MACROD2: variants seen among roughly 807,000 people sequenced by gnomAD.
The protein encoded by MACROD2 is ADP-ribose glycohydrolase MACROD2.
MACROD2 carries 36 observed loss-of-function variants against 70.4 expected under a neutral mutation model. That is an observed-to-expected ratio of 0.51 (90% CI 0.39 to 0.68). The LOEUF (loss-of-function observed/expected upper bound fraction) is 0.68. Among genes scored for constraint, MACROD2 ranks in the 30% least tolerant of loss-of-function variants. The pLI, the probability that MACROD2 is intolerant of heterozygous loss-of-function variation, is 0.00. For missense variants in MACROD2, 496 were observed against 538.4 expected (o/e 0.92, Z 0.78); for synonymous variants, 172 against 178.8 (o/e 0.96, Z 0.30).
intron 8 of MACROD2, among the ~76,000 whole-genome samples, chr20:15,805,302 G>T (rs2063759218): frequency 6.6e-6 from 1 of 152,036 alleles, no homozygotes; most frequent in South Asian, 2.1e-4. Flanking sequence ...TGTTGTTAAA[G>T]GAAAATGATC....
At chr20:15,830,984 C>T (rs1303057541) in intron 8 of MACROD2, among the ~76,000 whole-genome samples, 2 of 152,154 alleles carry the variant, frequency 1.3e-5, no homozygotes, top group Admixed American at 1.3e-4. Context: ...GTGGTCTAAT[C>T]AGGCTGTTTG....
At chr20:14,900,372 T>A (rs1400648865) in intron 5 of MACROD2, among the ~76,000 whole-genome samples, 2 of 152,138 alleles carry the variant, frequency 1.3e-5, no homozygotes, top group Non-Finnish European at 2.9e-5. Context: ...TAGAAGAATG[T>A]GAGGATTAGT....
At chr20:15,436,418 A>G (rs1221228639) in intron 7 of MACROD2, among the ~76,000 whole-genome samples, 1 of 150,854 alleles carries the variant, frequency 6.6e-6, no homozygotes, top group Non-Finnish European at 1.5e-5. Context: ...TATCACAACA[A>G]CAGCAAAGGG....
At chr20:15,207,054 A>T (rs1386914797) in intron 5 of MACROD2, among the ~76,000 whole-genome samples, 1 of 152,114 alleles carries the variant, frequency 6.6e-6, no homozygotes, top group Non-Finnish European at 1.5e-5. Context: ...CTATGTTGTC[A>T]CATGTATCAA....
rs142165647 is a variant in MACROD2 at position 15,221,687 on chromosome 20, C to T, written c.419-8253C>T. ...AATTAAACATGAGCTTTGCCTCTTT[C>T]TTTTTTAATATAGAGGATGGCATTT... On this transcript the variant is annotated intron_variant, in intron 5 of 17. Coordinates refer to ENST00000684519, the MANE Select transcript of MACROD2 (RefSeq NM_001351661.2). Among the ~76,000 whole-genome samples the T allele has an allele frequency of 7.3e-3, 1,110 of 152,224 alleles. 5 individuals are homozygous for T. The highest frequency in any genetic ancestry group is 0.02 in the Middle Eastern group (6 of 294).
At chr20:14,967,044 C>T (rs1364011711) in intron 5 of MACROD2, among the ~76,000 whole-genome samples, 2 of 152,132 alleles carry the variant, frequency 1.3e-5, no homozygotes, top group Non-Finnish European at 2.9e-5. Flanking sequence ...ACTGATATTT[C>T]AATGTGGTTT....
chr20:15,184,610 A>C (rs577381532), intron 5 of MACROD2, among the ~76,000 whole-genome samples: 7 of 152,302 alleles, frequency 4.6e-5, no homozygotes, highest in African/African-American at 1.7e-4. Context: ...AAAATAAAGG[A>C]TAACGTGGAA....
At chr20:16,034,598 G>C (rs552887755) in intron 15 of MACROD2, among the ~76,000 whole-genome samples, 17 of 152,080 alleles carry the variant, frequency 1.1e-4, no homozygotes, top group Non-Finnish European at 2.4e-4. Context: ...ATACCACAGT[G>C]AGCACAGTTT....
At chr20:14,311,769 T>C (rs2082569531) in intron 3 of MACROD2, among the ~76,000 whole-genome samples, 1 of 151,998 alleles carries the variant, frequency 6.6e-6, no homozygotes, top group Admixed American at 6.6e-5. Context: ...CCACCCCCCA[T>C]GGCCTCCCTA....
In MACROD2 at chr20:15,533,556, T is replaced by G. The variant is rs764305479; in HGVS notation, c.645+33709T>G. The stretch of plus-strand genomic sequence containing the variant: ...CTCTGTCTCTGTCGCTCTCTCTCTC[T>G]CTCTCTCTCTCTCTCTCTCTCTCTC... On this transcript the variant is annotated intron_variant, in intron 8 of 17. Transcript: ENST00000684519. Among the ~76,000 whole-genome samples the G allele has an allele frequency of 4.7e-3, 466 of 99,082 alleles. 3 individuals carry two copies. The highest frequency in any genetic ancestry group is 0.017 in the African/African-American group (439 of 26,262). The allele number at this position is 99,082 out of a possible 152,430, so 65.0% of individuals were successfully genotyped here.
intron 6 of MACROD2, among the ~76,000 whole-genome samples, chr20:15,307,502 C>T (rs187104440): frequency 1.0e-3 from 155 of 152,260 alleles, no homozygotes; most frequent in African/African-American, 3.6e-3. Flanking sequence ...TACACACACA[C>T]GTATGTGTTT....
chr20:14,707,761 C>T (rs1043808837), intron 5 of MACROD2, among the ~76,000 whole-genome samples: 2 of 151,998 alleles, frequency 1.3e-5, no homozygotes, highest in Admixed American at 1.3e-4. Context: ...ATCCTGGGCC[C>T]AAAGAAGGAG....
intron 8 of MACROD2, among the ~76,000 whole-genome samples, chr20:15,701,843 G>A (rs2050464320): frequency 6.6e-6 from 1 of 152,118 alleles, no homozygotes; most frequent in Admixed American, 6.5e-5. Flanking sequence ...AGTCCCTAGT[G>A]TCTATTATTC....
At chr20:15,651,440 C>T (rs1174100433) in intron 8 of MACROD2, among the ~76,000 whole-genome samples, 1 of 152,158 alleles carries the variant, frequency 6.6e-6, no homozygotes, top group Non-Finnish European at 1.5e-5. Flanking sequence ...CCAGAACTTG[C>T]ACTAGGAAAG....
chr20:15,735,509 A>G (rs1180267307), intron 8 of MACROD2, among the ~76,000 whole-genome samples: 2 of 152,198 alleles, frequency 1.3e-5, no homozygotes, highest in African/African-American at 4.8e-5. Flanking sequence ...TTCATGAGAA[A>G]TCAGAAGGGT....
chr20:14,885,575 A>G (rs931367983), intron 5 of MACROD2, among the ~76,000 whole-genome samples: 1 of 152,108 alleles, frequency 6.6e-6, no homozygotes, highest in African/African-American at 2.4e-5. Context: ...AACATCCTCT[A>G]TTGCTGTAAG....
intron 3 of MACROD2, among the ~76,000 whole-genome samples, chr20:14,475,196 C>T (rs1422638794): frequency 1.3e-5 from 2 of 151,992 alleles, no homozygotes; most frequent in Admixed American, 1.3e-4. Flanking sequence ...TTATTTTAAA[C>T]TGATAACAAC....
At chr20:15,529,767 C>G (rs77525780) in intron 8 of MACROD2, among the ~76,000 whole-genome samples, 3,482 of 152,274 alleles carry the variant, frequency 0.023, 126 homozygotes, top group African/African-American at 0.079. Context: ...TCCGCCCCCC[C>G]CACCTTTGAC....
At chr20:15,085,692 G>A (rs1356382990) in intron 5 of MACROD2, among the ~76,000 whole-genome samples, 1 of 151,956 alleles carries the variant, frequency 6.6e-6, no homozygotes, top group Admixed American at 6.6e-5. Flanking sequence ...GTTTGGAAAT[G>A]TGATATTCTT....
Sources: allele counts gnomAD v4.1 joint callset (sites outside exome capture counted in the v4.1 genomes callset), GRCh38; gene constraint gnomAD v4.1.1; transcripts MANE v1.5; gene names NCBI Gene and HGNC (gene_info 2026-07-23, HGNC 2026-07-21).